The following ARHGEF3 variants were observed in gnomAD, a reference collection of about 807,000 sequenced individuals.
ARHGEF3 encodes the protein Rho guanine nucleotide exchange factor 3.
A neutral mutation model predicts 63.2 loss-of-function variants in ARHGEF3; 28 were observed. That is an observed-to-expected ratio of 0.44 (90% confidence interval 0.33 to 0.61). The LOEUF is 0.61. Among genes scored for constraint, ARHGEF3 ranks in the 20% least tolerant of loss-of-function variants. The pLI is 0.03. For synonymous variants in ARHGEF3, 266 were observed against 254.2 expected (o/e 1.05, Z -0.44); for missense variants, 533 against 659.3 (o/e 0.81, Z 2.10).
intron 3 of ARHGEF3, among the ~76,000 whole-genome samples, chr3:56,933,394 C>CTTT (rs869041385): frequency 1.5e-5 from 2 of 132,908 alleles, no homozygotes; most frequent in Admixed American, 7.5e-5. Flanking sequence ...TGTTTCTTTT[C>CTTT]TTTTTTTTTT....
intron 1 of ARHGEF3, among the ~76,000 whole-genome samples, chr3:57,042,699 TA>T (rs1426492597): frequency 1.3e-3 from 43 of 32,470 alleles, no homozygotes; most frequent in South Asian, 3.1e-3. Context: ...TATATATATA[TA>T]TTTTTTTTTT....
chr3:57,013,840 A>G (rs1386330898), intron 2 of ARHGEF3, among the ~76,000 whole-genome samples: 1 of 152,236 alleles, frequency 6.6e-6, no homozygotes, highest in Admixed American at 6.5e-5. Flanking sequence ...TGGACCAATC[A>G]GCTCTCTGTA....
intron 2 of ARHGEF3, among the ~76,000 whole-genome samples, chr3:56,961,811 G>A (rs1421457166): frequency 6.6e-6 from 1 of 152,196 alleles, no homozygotes; most frequent in African/African-American, 2.4e-5. Context: ...GGGAGGCCAA[G>A]GTGGGAGGAT....
chr3:56,830,462 G>C (rs1350480321), intron 4 of ARHGEF3, among the ~76,000 whole-genome samples: 1 of 152,144 alleles, frequency 6.6e-6, no homozygotes, highest in South Asian at 2.1e-4. Context: ...ACCTGGAGTA[G>C]TACAATAAAC....
At chr3:56,751,524 A>G (rs1464027190) in intron 4 of ARHGEF3, 128 bp from the exon 5 acceptor site, 2 of 730,652 alleles carry the variant, frequency 2.7e-6, no homozygotes, top group African/African-American at 3.5e-5. Flanking sequence ...CTTCTCCCAT[A>G]AAGCTGCAGA....
rs142152652 is a variant in ARHGEF3 at position 57,048,731 on chromosome 3, C to T, written c.-27-13555G>A. ...TAGAATTTCAGCTATCATAAACCTA[C>T]TTGACCTTGTGTAATTACTGGTGGC... On this transcript the variant is annotated intron_variant, in intron 1 of 12. Coordinates refer to the ARHGEF3 transcript ENST00000338458. Among the ~76,000 whole-genome samples the T allele has an allele frequency of 7.3e-4, 111 of 152,296 alleles. 1 individual carries two copies. Among genetic ancestry groups the T allele is most frequent in the African/African-American group, 2.4e-3 (101 of 41,566 alleles).
At chr3:56,824,002 A>C (rs1319832643) in intron 4 of ARHGEF3, among the ~76,000 whole-genome samples, 1 of 151,356 alleles carries the variant, frequency 6.6e-6, no homozygotes, top group Non-Finnish European at 1.5e-5. Flanking sequence ...AAAAAAAAAA[A>C]AAACAGAACG....
At chr3:56,852,395 G>A (rs924710397) in intron 4 of ARHGEF3, among the ~76,000 whole-genome samples, 2 of 152,100 alleles carry the variant, frequency 1.3e-5, no homozygotes, top group African/African-American at 4.8e-5. Flanking sequence ...TTGAATCAGA[G>A]CCCAGAGATG....
At chr3:57,025,472 G>A (rs140170814) in intron 2 of ARHGEF3, among the ~76,000 whole-genome samples, 29 of 152,284 alleles carry the variant, frequency 1.9e-4, no homozygotes, top group African/African-American at 6.7e-4. Context: ...GGCACACACT[G>A]GGAAGAGTGA....
chr3:56,828,802 G>A (rs974828282), intron 4 of ARHGEF3, among the ~76,000 whole-genome samples: 2 of 152,158 alleles, frequency 1.3e-5, no homozygotes, highest in Non-Finnish European at 2.9e-5. Flanking sequence ...CTTTAACCAC[G>A]TGTTGCTACT....
intron 1 of ARHGEF3, among the ~76,000 whole-genome samples, chr3:57,062,886 G>A (rs533830158): frequency 1.3e-5 from 2 of 152,288 alleles, no homozygotes; most frequent in African/African-American, 4.8e-5. Context: ...CAAGGCACTG[G>A]GGACATGACA....
Position 56,755,056 on chromosome 3 carries a change from ATC to A in ARHGEF3, c.298_299del (p.Asp100Ter), listed in dbSNP as rs752838583. On this transcript the variant is annotated frameshift_variant, in exon 3 of 10. Coordinates refer to ENST00000296315, the MANE Select transcript of ARHGEF3 (RefSeq NM_019555.3). LOFTEE classifies it high-confidence loss of function. ...CGAAGGTCTCACTCCACAGCTTGCT[ATC>A]TCTCCGTTTCGTGCTCGAGGGGGCG... ...NAAPSSTKRR[D>X]SKLWSETFDV... The A allele has an allele frequency of 6.2e-7, 1 of 1,614,100 alleles. No homozygotes were observed. The highest frequency in any genetic ancestry group is 8.5e-7 in the Non-Finnish European group (1 of 1,180,024).
chr3:56,993,766 A>G (rs767157199), intron 2 of ARHGEF3, among the ~76,000 whole-genome samples: 13 of 149,598 alleles, frequency 8.7e-5, no homozygotes, highest in Non-Finnish European at 1.6e-4. Context: ...CTCAGTGATC[A>G]TGGATGAAAG....
At chr3:57,042,694 A>ATTTTTT (rs1340824293) in intron 1 of ARHGEF3, among the ~76,000 whole-genome samples, 28 of 41,872 alleles carry the variant, frequency 6.7e-4, no homozygotes, top group Non-Finnish European at 9.8e-4. Context: ...ATATATATAT[A>ATTTTTT]TATATATTTT....
intron 3 of ARHGEF3, among the ~76,000 whole-genome samples, chr3:56,942,224 C>T (rs1699222260): frequency 6.6e-6 from 1 of 152,206 alleles, no homozygotes; most frequent in South Asian, 2.1e-4. Context: ...TTGCAGGTGC[C>T]ACAAACTGAA....
intron 3 of ARHGEF3, among the ~76,000 whole-genome samples, chr3:56,945,029 T>C (rs1699406826): frequency 6.6e-6 from 1 of 152,208 alleles, no homozygotes; most frequent in Non-Finnish European, 1.5e-5. Flanking sequence ...TTGGAAGTTC[T>C]CCTATGGGTT....
Position 56,893,811 on chromosome 3 carries a change from CAAAAAAAAAAAAAAAA to C in ARHGEF3, c.130-11473_130-11458del, listed in dbSNP as rs537483698. Among the ~76,000 whole-genome samples the C allele has an allele frequency of 4.5e-4, 36 of 79,560 alleles. No homozygotes were observed. The South Asian group carries it at 0.014, about 32-fold the overall frequency. The allele number at this position is 79,560 out of a possible 152,430, so 52.2% of individuals were successfully genotyped here. A position where few individuals can be genotyped will look rare whatever the true frequency, so the allele number is the denominator to read the frequency against. The stretch of plus-strand genomic sequence containing the variant: ...ACAGAGCAAGAACAAGACTCTGTCT[CAAAAAAAAAAAAAAAA>C]AAAAAAAAAAAAAAAAAAAAAAAAA... On this transcript the variant is annotated intron_variant, in intron 3 of 12. Coordinates refer to the ARHGEF3 transcript ENST00000338458.
chr3:56,867,925 G>A (rs1028425551), intron 4 of ARHGEF3, among the ~76,000 whole-genome samples: 9 of 152,188 alleles, frequency 5.9e-5, no homozygotes, highest in Admixed American at 1.3e-4. Flanking sequence ...TGATAATGGT[G>A]TGATTCTGGC....
At chr3:56,805,584 A>C (rs2037835279), upstream of ARHGEF3, among the ~76,000 whole-genome samples, 2 of 152,232 alleles carry the variant, frequency 1.3e-5, no homozygotes, top group African/African-American at 4.8e-5. Context: ...ACTATTGCAG[A>C]GCAATGAACA....
Sources: allele counts gnomAD v4.1 joint callset (sites outside exome capture counted in the v4.1 genomes callset), GRCh38; gene constraint gnomAD v4.1.1; transcripts MANE v1.5; gene names NCBI Gene and HGNC (gene_info 2026-07-23, HGNC 2026-07-21).